The following CHCHD3 variants were observed in gnomAD, a reference collection of about 807,000 sequenced individuals.
The protein encoded by CHCHD3 is MICOS complex subunit MIC19.
A neutral mutation model predicts 38.2 loss-of-function variants in CHCHD3; 20 were observed. That is an observed-to-expected ratio of 0.52 (90% CI 0.37 to 0.76). The LOEUF (loss-of-function observed/expected upper bound fraction) is 0.76, where lower values mean the gene tolerates loss of function less well. CHCHD3 is among the 30% of genes least tolerant of loss of function. CHCHD3 has a pLI of 0.00. For synonymous variants in CHCHD3, 82 were observed against 100.0 expected, an observed-to-expected ratio of 0.82 and a Z score of 1.07; for missense variants, 245 against 279.2, an observed-to-expected ratio of 0.88 and a Z score of 0.87.
At chr7:132,871,055 T>G (rs1465252032) in intron 5 of CHCHD3, among the ~76,000 whole-genome samples, 1 of 152,236 alleles carries the variant, frequency 6.6e-6, no homozygotes, top group Admixed American at 6.5e-5. Context: ...CTGGCAAGAC[T>G]TGAAGCACAG....
intron 2 of CHCHD3, among the ~76,000 whole-genome samples, chr7:133,066,111 T>C (rs1814662258): frequency 6.6e-6 from 1 of 152,248 alleles, no homozygotes; most frequent in Admixed American, 6.5e-5. Context: ...TTACTGAGCA[T>C]AAAATGTGAA....
At chr7:132,864,610 A>T (rs1408885023) in intron 5 of CHCHD3, among the ~76,000 whole-genome samples, 4 of 152,170 alleles carry the variant, frequency 2.6e-5, no homozygotes, top group African/African-American at 9.7e-5. Context: ...AAAAAGGCAA[A>T]TGAAGTATGT....
chr7:132,842,101 A>G lies in CHCHD3; in HGVS notation c.454-3632T>C, dbSNP rs1275160014. On this transcript the variant is annotated intron_variant, in intron 5 of 7. Coordinates refer to ENST00000262570, the MANE Select transcript of CHCHD3 (RefSeq NM_017812.4). ...CGACAGAGCAAGACTCCATCTCGAG[A>G]AAAAAAAAAATTTTTTTTAATATTT... Among the ~76,000 whole-genome samples the G allele has an allele frequency of 4.0e-5, 6 of 150,320 alleles. No individual in the cohort carries two copies. The East Asian group carries it at 8.1e-4, about 20-fold the overall frequency.
intron 2 of CHCHD3, chr7:133,034,692 T>TG: frequency 6.2e-7 from 1 of 1,613,240 alleles, no homozygotes; most frequent in African/African-American, 1.3e-5. Context: ...AACCAGCGTC[T>TG]GGGTCTCCTC....
chr7:133,081,610 G>A (rs200898379), intron 1 of CHCHD3, among the ~76,000 whole-genome samples: 3 of 152,170 alleles, frequency 2.0e-5, no homozygotes, highest in Non-Finnish European at 2.9e-5. Flanking sequence ...AGCCCTTGCA[G>A]GGTATAATTC....
At chr7:133,055,713 T>TA (rs1044678510) in intron 2 of CHCHD3, among the ~76,000 whole-genome samples, 3 of 151,014 alleles carry the variant, frequency 2.0e-5, no homozygotes, top group African/African-American at 7.3e-5. Flanking sequence ...AAAATATAGA[T>TA]AAAATGTCAT....
At position 132,784,992 on chromosome 7, in the gene CHCHD3, C is replaced by T. The variant is rs1337890616; in HGVS notation, c.*645G>A. ...AAAAATACCTTATCTCACTTGTAAT[C>T]ATAAACATTATTCCAGTAGAAGAGG... On this transcript the variant is annotated 3_prime_UTR_variant, in exon 8 of 8. Transcript: ENST00000262570. 2 of 152,666 alleles carry T rather than the reference C, an allele frequency of 1.3e-5. No individual in the cohort carries two copies. Among genetic ancestry groups the T allele is most frequent in the African/African-American group, 4.8e-5 (2 of 41,456 alleles). The allele number at this position is 152,666 out of a possible 1,614,324, so 9.5% of individuals were successfully genotyped here.
chr7:133,027,420 AGAAG>A (rs1480397631), intron 2 of CHCHD3, among the ~76,000 whole-genome samples: 4 of 103,886 alleles, frequency 3.9e-5, no homozygotes, highest in Admixed American at 1.0e-4. Context: ...AGAAATGAAG[AGAAG>A]GAAGGAAGGG....
chr7:132,837,645 G>A (rs1203433955), intron 6 of CHCHD3, among the ~76,000 whole-genome samples: 3 of 152,222 alleles, frequency 2.0e-5, no homozygotes, highest in Admixed American at 6.5e-5. Flanking sequence ...GTGCAAGGAA[G>A]GAGGTCAGAG....
intron 4 of CHCHD3, among the ~76,000 whole-genome samples, chr7:132,906,725 A>G (rs1230949864): frequency 6.6e-6 from 1 of 152,190 alleles, no homozygotes; most frequent in Non-Finnish European, 1.5e-5. Context: ...TTGTAAAAAA[A>G]AGACTGCCTA....
chr7:132,958,033 G>A (rs1811225256), intron 4 of CHCHD3, among the ~76,000 whole-genome samples: 1 of 152,142 alleles, frequency 6.6e-6, no homozygotes, highest in Admixed American at 6.5e-5. Context: ...CACATATGTG[G>A]GACCTCCTGC....
At chr7:132,854,953 A>G (rs1808311950) in intron 5 of CHCHD3, among the ~76,000 whole-genome samples, 1 of 152,174 alleles carries the variant, frequency 6.6e-6, no homozygotes, top group South Asian at 2.1e-4. Context: ...AAAAGCAAAT[A>G]TTGTTAGGAA....
rs1000190461 is a variant in CHCHD3, at chr7:133,081,903, A to C, written c.35T>G (p.Phe12Cys). 35 of 1,560,078 alleles carry C rather than the reference A, an allele frequency of 2.2e-5. No homozygotes were observed. The highest frequency in any genetic ancestry group is 3.0e-5 in the Non-Finnish European group (35 of 1,151,646). Reference sequence around the variant, plus strand: ...GATGTTCTCATTCTCGTCCGCCTCGAAGGTGACCCGGCGGGTGCTGGTGGT... The same window carrying C: ...GATGTTCTCATTCTCGTCCGCCTCGCAGGTGACCCGGCGGGTGCTGGTGGT... Reference protein sequence around the residue: ...GGTTSTRRVTFEADENENITV... With the variant: ...GGTTSTRRVTCEADENENITV... Residue 12 changes from phenylalanine to cysteine, a missense_variant, in exon 1 of 8, where the codon TTC becomes TGC. Coordinates refer to ENST00000262570, the MANE Select transcript of CHCHD3 (RefSeq NM_017812.4).
intron 2 of CHCHD3, among the ~76,000 whole-genome samples, chr7:133,044,801 G>C (rs570907114): frequency 6.6e-6 from 1 of 152,258 alleles, no homozygotes; most frequent in East Asian, 1.9e-4. Context: ...AGACTTGGGA[G>C]AGGGAATCCA....
In CHCHD3 at chr7:133,081,988, C is replaced by A. The variant is rs1208429412; in HGVS notation, c.-51G>T. 1.2e-5 allele frequency: 17 copies of A among 1,467,820 alleles called. No homozygotes were observed. The highest frequency in any genetic ancestry group is 2.8e-5 in the African/African-American group (2 of 70,494). The allele number at this position is 1,467,820 out of a possible 1,614,324, so 90.9% of individuals were successfully genotyped here. A position where few individuals can be genotyped will look rare whatever the true frequency, so the allele number is the denominator to read the frequency against. ...ACCTAGCGGGGAACCACGAGCACTT[C>A]GGGGCCCCCGCACCCACACGCGCGT... On this transcript the variant is annotated 5_prime_UTR_variant, in exon 1 of 8. Coordinates refer to ENST00000262570, the MANE Select transcript of CHCHD3 (RefSeq NM_017812.4).
At chr7:132,810,461 G>T (rs148343667) in intron 6 of CHCHD3, among the ~76,000 whole-genome samples, 1 of 152,086 alleles carries the variant, frequency 6.6e-6, no homozygotes, top group African/African-American at 2.4e-5. Flanking sequence ...TTATATAAAC[G>T]GATTTAAGCA....
At chr7:132,855,388 T>C (rs1164203876) in intron 5 of CHCHD3, among the ~76,000 whole-genome samples, 1 of 152,220 alleles carries the variant, frequency 6.6e-6, no homozygotes, top group South Asian at 2.1e-4. Context: ...TAATGATAAC[T>C]GTGACATGGT....
intron 4 of CHCHD3, among the ~76,000 whole-genome samples, chr7:132,946,370 T>C (rs1254569763): frequency 2.0e-5 from 3 of 151,858 alleles, no homozygotes; most frequent in African/African-American, 4.8e-5. Context: ...ATAAATACTA[T>C]AGAATAAAAA....
At chr7:133,021,896 C>T (rs1343096828) in intron 3 of CHCHD3, among the ~76,000 whole-genome samples, 2 of 151,990 alleles carry the variant, frequency 1.3e-5, no homozygotes, top group Non-Finnish European at 2.9e-5. Flanking sequence ...ACCAGCCTGG[C>T]CAATATGGTG....
Sources: gnomAD v4.1 joint callset for allele counts (sites outside exome capture counted in the v4.1 genomes callset) on GRCh38, gnomAD v4.1.1 for gene constraint, MANE v1.5 for transcripts, NCBI Gene and HGNC (gene_info 2026-07-23, HGNC 2026-07-21) for gene names.